MTSS2: variants seen among roughly 807,000 people sequenced by gnomAD.
MTSS2 encodes protein MTSS 2.
MTSS2 carries 27 observed loss-of-function variants against 67.1 expected under a neutral mutation model. The ratio of observed to expected loss-of-function variants is 0.40; its 90% confidence interval spans 0.30 to 0.55. MTSS2 has a LOEUF of 0.55. Among genes scored for constraint, MTSS2 ranks in the 20% least tolerant of loss-of-function variants. The pLI, the probability that MTSS2 is intolerant of heterozygous loss-of-function variation, is 0.43. For synonymous variants in MTSS2, 624 were observed against 468.6 expected (o/e 1.33, Z -4.28); for missense variants, 1,171 against 1,067.8 (o/e 1.10, Z -1.35).
chr16:70,668,992 C>T (rs567994758), intron 11 of MTSS2, among the ~76,000 whole-genome samples: 20 of 152,040 alleles, frequency 1.3e-4, no homozygotes, highest in African/African-American at 4.3e-4. Flanking sequence ...AAAAAAAGGA[C>T]CCCTACCTCA....
At chr16:70,668,971 A>C (rs1037774731) in intron 11 of MTSS2, among the ~76,000 whole-genome samples, 1 of 152,044 alleles carries the variant, frequency 6.6e-6, no homozygotes, top group African/African-American at 2.4e-5. Flanking sequence ...GGTCAATTGG[A>C]TATCCATATG....
intron 11 of MTSS2, 116 bp downstream of exon 11, chr16:70,674,190 C>CAGTCTCAACAGCTATAGT (rs11267213): frequency 1.0e-5 from 10 of 977,098 alleles, no homozygotes; most frequent in African/African-American, 6.5e-5. Flanking sequence ...GCCTTCAGGC[C>CAGTCTCAACAGCTATAGT]AGTCTCAACA....
intron 10 of MTSS2, 25 bp from the exon 11 acceptor site, chr16:70,674,553 C>T: frequency 1.2e-6 from 2 of 1,602,468 alleles, no homozygotes; most frequent in Non-Finnish European, 1.7e-6. Flanking sequence ...GAAGAGGGCA[C>T]AGCAGCCAGA....
chr16:70,680,533 T>G (rs1054548089), intron 3 of MTSS2, among the ~76,000 whole-genome samples: 1 of 152,116 alleles, frequency 6.6e-6, no homozygotes, highest in African/African-American at 2.4e-5. Flanking sequence ...AGAATCTCTG[T>G]GCTGGGGGGT....
intron 11 of MTSS2, among the ~76,000 whole-genome samples, chr16:70,669,131 C>T (rs983464207): frequency 6.6e-6 from 1 of 152,086 alleles, no homozygotes; most frequent in East Asian, 1.9e-4. Flanking sequence ...TCAAGCAGGA[C>T]ACAAATAGCA....
rs570996673 is a variant in MTSS2, at chr16:70,671,680, C to T, written c.1053+2626G>A. On this transcript the variant is annotated intron_variant, in intron 11 of 14. Transcript: ENST00000338779. ...GAGAAACAGGACATTTTCATCCTCT[C>T]AAAAGTATCCCCTCACAGGATATTT... Among the ~76,000 whole-genome samples, 6 of 152,260 alleles carry T rather than the reference C, an allele frequency of 3.9e-5. No individual in the cohort carries two copies. In the South Asian group the frequency reaches 8.3e-4, roughly 21 times the overall value.
chr16:70,661,279 A>G lies in MTSS2; in HGVS notation c.*2398T>C, dbSNP rs2052454597. The G allele has an allele frequency of 4.4e-6, 2 of 454,964 alleles. No individual in the cohort carries two copies. The highest frequency in any genetic ancestry group is 4.7e-5 in the Admixed American group (2 of 42,370). The allele number at this position is 454,964 out of a possible 1,614,324, so 28.2% of individuals were successfully genotyped here. A position where few individuals can be genotyped will look rare whatever the true frequency, so the allele number is the denominator to read the frequency against. ...GTTACTTGTAGCAGTGACTATATTT[A>G]AATCGGGGAGGATGGTGTGGAGGGG... is the stretch of plus-strand genomic sequence containing the variant. On this transcript the variant is annotated 3_prime_UTR_variant, in exon 15 of 15. Coordinates refer to ENST00000338779, the MANE Select transcript of MTSS2 (RefSeq NM_138383.3).
In MTSS2 at chr16:70,664,980, C is replaced by A; in HGVS notation, c.1245G>T (p.Leu415=). The part of the protein sequence containing the change: ...TEPGPASGGT[L]GPSGEEAPRP... ...GCGGTGCCTCTTCCCCGCTGGGGCC[C>A]AGGGTGCCCCCACTGGCAGGGCCTG... The change falls in exon 13 of 15, where the codon CTG becomes CTT. Residue 415 remains leucine (L), a synonymous_variant. Coordinates refer to ENST00000338779, the MANE Select transcript of MTSS2 (RefSeq NM_138383.3). 6.3e-7 allele frequency: 1 copy of A among 1,585,822 alleles called. No homozygotes were observed. The highest frequency in any genetic ancestry group is 8.5e-7 in the Non-Finnish European group (1 of 1,174,412).
At chr16:70,665,188 A>G in intron 12 of MTSS2, 92 bp from the exon 13 acceptor site, 1 of 1,387,242 alleles carries the variant, frequency 7.2e-7, no homozygotes, top group Non-Finnish European at 9.6e-7. Context: ...CAGGGTGTCC[A>G]GGGCTATCAG....
At position 70,663,559 on chromosome 16, in the gene MTSS2, G is replaced by A. The variant is rs1024558919; in HGVS notation, c.*118C>T. The A allele has an allele frequency of 2.8e-6, 4 of 1,423,638 alleles. No homozygotes were observed. The highest frequency in any genetic ancestry group is 2.6e-5 in the East Asian group (1 of 38,344). The allele number at this position is 1,423,638 out of a possible 1,614,324, so 88.2% of individuals were successfully genotyped here. On this transcript the variant is annotated 3_prime_UTR_variant, in exon 15 of 15. Coordinates refer to ENST00000338779, the MANE Select transcript of MTSS2 (RefSeq NM_138383.3). ...GAGGTGTCTTTCCATAAAGTGGCAT[G>A]GCCTCTGCCCTGGCTCTGTCCTCTC... is the stretch of plus-strand genomic sequence containing the variant.
At chr16:70,671,102 G>A (rs1414779425) in intron 11 of MTSS2, among the ~76,000 whole-genome samples, 2 of 151,924 alleles carry the variant, frequency 1.3e-5, no homozygotes, top group East Asian at 1.9e-4. Flanking sequence ...TGTTCTCGGT[G>A]TGTTTAGAAT....
At position 70,663,606 on chromosome 16, in the gene MTSS2, G is replaced by A; in HGVS notation, c.*71C>T. 2.0e-6 allele frequency: 3 copies of A among 1,468,674 alleles called. No individual in the cohort carries two copies. The highest frequency in any genetic ancestry group is 2.7e-6 in the Non-Finnish European group (3 of 1,108,542). The allele number at this position is 1,468,674 out of a possible 1,614,324, so 91.0% of individuals were successfully genotyped here. On this transcript the variant is annotated 3_prime_UTR_variant, in exon 15 of 15. Coordinates refer to ENST00000338779, the MANE Select transcript of MTSS2 (RefSeq NM_138383.3). ...TCTCTCCTGGCTGGGCCTTTGCTCT[G>A]AGTGCCTGCGGCTCACAGACCAGGC...
At chr16:70,667,069 A>C (rs1487925272) in intron 11 of MTSS2, among the ~76,000 whole-genome samples, 1 of 152,156 alleles carries the variant, frequency 6.6e-6, no homozygotes, top group East Asian at 1.9e-4. Context: ...TGAGCCCAGG[A>C]GTTCAAGACC....
chr16:70,683,461 G>A (rs941495291), intron 1 of MTSS2, among the ~76,000 whole-genome samples: 3 of 152,230 alleles, frequency 2.0e-5, no homozygotes, highest in Non-Finnish European at 2.9e-5. Flanking sequence ...ATGTGTCCAG[G>A]TGACATTCCC....
chr16:70,677,760 G>C, intron 9 of MTSS2, 32 bp downstream of exon 9: 1 of 1,549,274 alleles, frequency 6.5e-7, no homozygotes, highest in Non-Finnish European at 8.8e-7. Flanking sequence ...CCCTGCCCCT[G>C]GCCCTGGCCC....
At position 70,677,859 on chromosome 16, in the gene MTSS2, T is replaced by C; in HGVS notation, c.665A>G (p.Gln222Arg). Residue 222 changes from glutamine (Q) to arginine (R), a missense_variant, in exon 9 of 15, where the codon CAG (glutamine) becomes CGG (arginine). Gln to Arg is a conservative substitution (Grantham distance 43, BLOSUM62 1). Around this residue, in one of 2 missense-constraint regions of MTSS2, gnomAD observed 247 missense variants for 311.8 expected, o/e 0.79. Coordinates refer to ENST00000338779, the MANE Select transcript of MTSS2 (RefSeq NM_138383.3). ...CACCACCAAGTCGTCGATGATGCCC[T>C]GCAGGTGGGTGATCTCTCCCAGCAT... ...LTMLGEITHL[Q>R]GIIDDLVVLT... is the part of the protein sequence containing the mutation. 1 of 1,612,256 alleles carries C rather than the reference T, an allele frequency of 6.2e-7. No individual in the cohort carries two copies. Among genetic ancestry groups the C allele is most frequent in the Non-Finnish European group, 8.5e-7 (1 of 1,179,588 alleles).
chr16:70,668,856 C>G (rs1007886781), intron 11 of MTSS2, among the ~76,000 whole-genome samples: 19 of 152,302 alleles, frequency 1.2e-4, no homozygotes, highest in Admixed American at 1.2e-3. Context: ...GCCTCCAGAA[C>G]TGTGAGCGCT....
At chr16:70,673,090 G>A (rs148249650) in intron 11 of MTSS2, among the ~76,000 whole-genome samples, 3,467 of 152,202 alleles carry the variant, frequency 0.023, 140 homozygotes, top group African/African-American at 0.078. Context: ...GAGCCTGGGA[G>A]GAGGAGGAGG....
chr16:70,667,976 GTTT>G (rs11381159), intron 11 of MTSS2, among the ~76,000 whole-genome samples: 1 of 143,664 alleles, frequency 7.0e-6, no homozygotes, highest in Non-Finnish European at 1.5e-5. Context: ...AATCCCAGGA[GTTT>G]TTTTTTTTTT....
Sources: gnomAD v4.1 joint callset for allele counts (sites outside exome capture counted in the v4.1 genomes callset) on GRCh38, gnomAD v4.1.1 for gene constraint, gnomAD v4.1.1 regional missense constraint, MANE v1.5 for transcripts, NCBI Gene and HGNC (gene_info 2026-07-23, HGNC 2026-07-21) for gene names.